The following PLXNA4 variants were observed in gnomAD, a reference collection of about 807,000 sequenced individuals.
PLXNA4 encodes plexin-A4.
Under a neutral mutation model 191.8 loss-of-function variants are expected in PLXNA4, and 44 were observed. That is an observed-to-expected ratio of 0.23 (90% confidence interval 0.18 to 0.29). PLXNA4 has a LOEUF of 0.29. Among genes scored for constraint, PLXNA4 ranks in the 10% least tolerant of loss-of-function variants. The pLI, the probability that PLXNA4 is intolerant of heterozygous loss-of-function variation, is 1.00. For synonymous variants in PLXNA4, 1,082 were observed against 1,009.5 expected, an observed-to-expected ratio of 1.07 and a Z score of -1.36; for missense variants, 1,800 against 2,488.8, an observed-to-expected ratio of 0.72 and a Z score of 5.89.
chr7:132,165,945 T>A (rs771017301), intron 22 of PLXNA4, among the ~76,000 whole-genome samples: 8 of 152,264 alleles, frequency 5.3e-5, no homozygotes, highest in Middle Eastern at 3.4e-3. Flanking sequence ...TTGCCTGTAA[T>A]CCCAGCACTT....
intron 2 of PLXNA4, among the ~76,000 whole-genome samples, chr7:132,614,346 C>G (rs1250613441): frequency 6.6e-6 from 1 of 152,212 alleles, no homozygotes; most frequent in Non-Finnish European, 1.5e-5. Context: ...TTCAAGTGCT[C>G]GGTAGCCACA....
chr7:132,483,896 T>C (rs1797439853), intron 3 of PLXNA4, among the ~76,000 whole-genome samples: 1 of 152,164 alleles, frequency 6.6e-6, no homozygotes, highest in Non-Finnish European at 1.5e-5. Context: ...TGCCTAGCTA[T>C]TGGCTGCAGT....
intron 5 of PLXNA4, among the ~76,000 whole-genome samples, chr7:132,234,626 G>GTGTGTA (rs1325107620): frequency 1.3e-5 from 2 of 151,058 alleles, no homozygotes; most frequent in Non-Finnish European, 3.0e-5. Flanking sequence ...GTGTGTGTGT[G>GTGTGTA]TGTATGTGTA....
At chr7:132,493,880 C>T (rs1797903941) in intron 2 of PLXNA4, among the ~76,000 whole-genome samples, 1 of 152,188 alleles carries the variant, frequency 6.6e-6, no homozygotes. Context: ...AGGTTTGAAT[C>T]CCAACTCTGC....
intron 1 of PLXNA4, among the ~76,000 whole-genome samples, chr7:132,557,596 C>T (rs535588270): frequency 1.3e-5 from 2 of 151,410 alleles, no homozygotes; most frequent in East Asian, 3.9e-4. Flanking sequence ...GACTTTTTGA[C>T]CAAAGACAAC....
At chr7:132,423,171 C>T (rs1794909820) in intron 3 of PLXNA4, among the ~76,000 whole-genome samples, 1 of 152,240 alleles carries the variant, frequency 6.6e-6, no homozygotes, top group African/African-American at 2.4e-5. Flanking sequence ...ATCAGATCTG[C>T]CCTGCGGAGG....
intron 9 of PLXNA4, 128 bp from the exon 10 acceptor site, chr7:132,211,271 GTGCTC>G: frequency 1.0e-6 from 1 of 964,648 alleles, no homozygotes; most frequent in Non-Finnish European, 1.5e-6. Flanking sequence ...GACCCCTGAG[GTGCTC>G]GTGCCCACCC....
intron 29 of PLXNA4, among the ~76,000 whole-genome samples, chr7:132,142,338 T>C (rs1475142132): frequency 6.6e-5 from 10 of 152,216 alleles, no homozygotes; most frequent in Non-Finnish European, 1.5e-5. Context: ...CCATTTCCCC[T>C]GATGTTTTAT....
intron 3 of PLXNA4, among the ~76,000 whole-genome samples, chr7:132,466,142 C>T (rs1008148825): frequency 1.1e-4 from 16 of 152,180 alleles, no homozygotes; most frequent in African/African-American, 3.9e-4. Flanking sequence ...TCTATCATTG[C>T]TTGGCTCTGA....
rs1797176647 is a variant in PLXNA4, at chr7:132,194,107, A to G, written c.2811T>C (p.Cys937=). Residue 937 remains cysteine, a synonymous_variant, in exon 14 of 32, where the codon TGT becomes TGC. Coordinates refer to ENST00000321063, the MANE Select transcript of PLXNA4 (RefSeq NM_020911.2). Reference sequence around the variant, plus strand: ...AGGACCGGGCCATGAATTCAGGCCGACACACAGCCACGCAGATCTCCACGA... The same window carrying G: ...AGGACCGGGCCATGAATTCAGGCCGGCACACAGCCACGCAGATCTCCACGA... The part of the protein sequence containing the change: ...AGFVEICVAV[C]RPEFMARSSQ... 1 of 1,613,580 alleles carries G rather than the reference A, an allele frequency of 6.2e-7. No individual in the cohort carries two copies. Among genetic ancestry groups the G allele is most frequent in the Admixed American group, 1.7e-5 (1 of 59,974 alleles).
chr7:132,230,482 C>T (rs569646529), intron 5 of PLXNA4, among the ~76,000 whole-genome samples: 40 of 152,318 alleles, frequency 2.6e-4, no homozygotes, highest in Admixed American at 1.9e-3. Context: ...CTCCAGGGTG[C>T]TTCTAGAAAA....
At chr7:132,401,026 C>T (rs755477805) in intron 3 of PLXNA4, among the ~76,000 whole-genome samples, 1 of 152,192 alleles carries the variant, frequency 6.6e-6, no homozygotes, top group African/African-American at 2.4e-5. Flanking sequence ...CATGCACGAT[C>T]TCAGATCAGG....
intron 3 of PLXNA4, among the ~76,000 whole-genome samples, chr7:132,400,732 C>A (rs961726160): frequency 2.6e-5 from 4 of 152,156 alleles, no homozygotes; most frequent in Admixed American, 2.6e-4. Flanking sequence ...CTCCCCAAAC[C>A]TTTCATCTTG....
intron 3 of PLXNA4, among the ~76,000 whole-genome samples, chr7:132,371,017 G>A (rs1804416175): frequency 6.6e-6 from 1 of 152,208 alleles, no homozygotes; most frequent in South Asian, 2.1e-4. Context: ...GCAGAGGTCA[G>A]GGGGCACAAG....
At position 132,187,485 on chromosome 7, in the gene PLXNA4, G is replaced by C. The variant is rs752176239; in HGVS notation, c.2979C>G (p.Pro993=). 3.1e-6 allele frequency: 5 copies of C among 1,613,896 alleles called. No individual in the cohort carries two copies. The highest frequency in any genetic ancestry group is 3.4e-6 in the Non-Finnish European group (4 of 1,179,830). Residue 993 remains proline (P), a synonymous_variant, in exon 15 of 32, where the codon CCC becomes CCG. Coordinates refer to ENST00000321063, the MANE Select transcript of PLXNA4 (RefSeq NM_020911.2). Reference sequence around the variant, plus strand: ...CTCTGAGTTACCTGTGGAAGAGACAGGGCTGCTTTCCAAACATCACCACCA... The same window carrying C: ...CTCTGAGTTACCTGTGGAAGAGACACGGCTGCTTTCCAAACATCACCACCA... ...SNVVVMFGKQ[P]CLFHRRSPSY... is the part of the protein sequence containing the mutation.
chr7:132,451,990 A>G (rs1204224923), intron 3 of PLXNA4, among the ~76,000 whole-genome samples: 4 of 152,204 alleles, frequency 2.6e-5, no homozygotes, highest in Admixed American at 2.6e-4. Flanking sequence ...AAAATATTAC[A>G]TCACACTCCC....
At chr7:132,455,072 T>G (rs156941) in intron 3 of PLXNA4, among the ~76,000 whole-genome samples, 24,153 of 152,152 alleles carry the variant, frequency 0.16, 3,766 homozygotes, top group African/African-American at 0.41. Flanking sequence ...CTGAGGAGGT[T>G]GGGAGACGTC....
intron 2 of PLXNA4, among the ~76,000 whole-genome samples, chr7:132,592,536 A>G (rs936016379): frequency 4.8e-5 from 7 of 145,618 alleles, no homozygotes; most frequent in African/African-American, 1.8e-4. Flanking sequence ...TTTTTTTCTG[A>G]AAAGCTTTTG....
chr7:132,276,446 C>G (rs1027475846), intron 4 of PLXNA4, among the ~76,000 whole-genome samples: 1 of 152,164 alleles, frequency 6.6e-6, no homozygotes, highest in Non-Finnish European at 1.5e-5. Flanking sequence ...AATGACCCCC[C>G]CTTTCCCACC....
Sources: gnomAD v4.1 joint callset for allele counts (sites outside exome capture counted in the v4.1 genomes callset) on GRCh38, gnomAD v4.1.1 for gene constraint, MANE v1.5 for transcripts, NCBI Gene and HGNC (gene_info 2026-07-23, HGNC 2026-07-21) for gene names.